Variants in RAPGEF4 observed in about 807,000 individuals in gnomAD.
RAPGEF4 encodes Rap guanine nucleotide exchange factor 4, also known as RAP guanine-nucleotide-exchange factor (GEF) 4.
A neutral mutation model predicts 147.9 loss-of-function variants in RAPGEF4; 66 were observed. That is an observed-to-expected ratio of 0.45 (90% CI 0.37 to 0.55). The LOEUF is 0.55. Ranked by LOEUF, RAPGEF4 falls within the 20% of genes least tolerant of loss-of-function variation. The pLI is 0.00. For synonymous variants in RAPGEF4, 419 were observed against 442.7 expected (o/e 0.95, Z 0.67); for missense variants, 1,071 against 1,257.3 (o/e 0.85, Z 2.24).
intron 1 of RAPGEF4, among the ~76,000 whole-genome samples, chr2:172,747,578 G>T (rs1321146093): frequency 6.6e-6 from 1 of 152,122 alleles, no homozygotes; most frequent in African/African-American, 2.4e-5. Flanking sequence ...CGATCCCTCT[G>T]CCTTGGCTTC....
At chr2:172,856,847 A>T (rs1216693150) in intron 4 of RAPGEF4, among the ~76,000 whole-genome samples, 1 of 152,084 alleles carries the variant, frequency 6.6e-6, no homozygotes, top group Non-Finnish European at 1.5e-5. Flanking sequence ...TCAACCAGGA[A>T]GACTACAGGC....
At chr2:172,841,518 A>G (rs1301968607) in intron 4 of RAPGEF4, among the ~76,000 whole-genome samples, 1 of 152,058 alleles carries the variant, frequency 6.6e-6, no homozygotes, top group Non-Finnish European at 1.5e-5. Flanking sequence ...ACAATTTTGG[A>G]TATAATTTTG....
At chr2:173,011,916 G>A (rs1695066655) in intron 17 of RAPGEF4, among the ~76,000 whole-genome samples, 1 of 149,900 alleles carries the variant, frequency 6.7e-6, no homozygotes, top group African/African-American at 2.4e-5. Context: ...TCTAAATTGA[G>A]GCTAAGTGTT....
At chr2:173,007,528 T>C (rs1694601993) in intron 17 of RAPGEF4, among the ~76,000 whole-genome samples, 1 of 152,206 alleles carries the variant, frequency 6.6e-6, no homozygotes, top group African/African-American at 2.4e-5. Flanking sequence ...GAATCAGTAA[T>C]AACATTGGTG....
chr2:172,931,797 G>A (rs1179108095), intron 6 of RAPGEF4, among the ~76,000 whole-genome samples: 3 of 152,184 alleles, frequency 2.0e-5, no homozygotes, highest in Admixed American at 1.3e-4. Context: ...TAAATCTTAC[G>A]TTTAACCAAT....
chr2:172,983,054 C>T (rs1376299170), intron 10 of RAPGEF4, among the ~76,000 whole-genome samples: 1 of 152,168 alleles, frequency 6.6e-6, no homozygotes, highest in Non-Finnish European at 1.5e-5. Context: ...TATTATTCTG[C>T]TAGGCTAAGA....
rs935371264 is a variant in RAPGEF4, at chr2:173,051,918, C to G, written c.*151C>G. 1 of 789,076 alleles carries G rather than the reference C, an allele frequency of 1.3e-6. No homozygotes were observed. Among genetic ancestry groups the G allele is most frequent in the Non-Finnish European group, 2.0e-6 (1 of 506,736 alleles). The allele number at this position is 789,076 out of a possible 1,614,324, so 48.9% of individuals were successfully genotyped here. A position where few individuals can be genotyped will look rare whatever the true frequency, so the allele number is the denominator to read the frequency against. ...ACACCTCAGGGCTGCATTCAGCTTA[C>G]CAGCTACCTAGCAAGAGAAGGAATT... is the stretch of plus-strand genomic sequence containing the variant. On this transcript the variant is annotated 3_prime_UTR_variant, in exon 31 of 31. Coordinates refer to ENST00000397081, the MANE Select transcript of RAPGEF4 (RefSeq NM_007023.4).
At position 172,810,302 on chromosome 2, in the gene RAPGEF4, AT is replaced by A. The variant is rs1687902226; in HGVS notation, c.298-3975del. Among the ~76,000 whole-genome samples the A allele has an allele frequency of 1.3e-5, 2 of 152,224 alleles. 1 individual carries two copies. Among genetic ancestry groups the A allele is most frequent in the Admixed American group, 1.3e-4 (2 of 15,288 alleles). ...ATGTTAGTAAGAGTGTCTGCAATTT[AT>A]TAAGCATTTGTTTTGAGTCAGGCAC... is the stretch of plus-strand genomic sequence containing the variant. On this transcript the variant is annotated intron_variant, in intron 3 of 30. Coordinates refer to ENST00000397081, the MANE Select transcript of RAPGEF4 (RefSeq NM_007023.4).
chr2:172,736,222 G>T (rs967364654), intron 1 of RAPGEF4, 174 bp downstream of exon 1: 35 of 394,932 alleles, frequency 8.9e-5, no homozygotes, highest in Non-Finnish European at 1.3e-4. Context: ...AAGGATCCCC[G>T]CCTCTCGTGG....
chr2:172,988,153 G>A (rs527387930), intron 12 of RAPGEF4, 43 bp from the exon 13 acceptor site: 1 of 1,563,512 alleles, frequency 6.4e-7, no homozygotes, highest in African/African-American at 1.4e-5. Flanking sequence ...ATATTGATGT[G>A]CTTCTATTCT....
intron 29 of RAPGEF4, among the ~76,000 whole-genome samples, chr2:173,047,498 A>T (rs1052030763): frequency 1.1e-4 from 17 of 152,330 alleles, no homozygotes; most frequent in South Asian, 2.1e-4. Context: ...AATGTGAAAA[A>T]TTTCAAATCA....
chr2:172,894,296 C>T (rs1384178010), intron 4 of RAPGEF4: 2 of 152,250 alleles, frequency 1.3e-5, no homozygotes, highest in African/African-American at 2.4e-5. Flanking sequence ...AGTTCATTAA[C>T]AGCTTCATCA....
In RAPGEF4 at chr2:172,983,377, A is replaced by G. The variant is rs141152484; in HGVS notation, c.1005-119A>G. 223 of 1,493,406 alleles carry G rather than the reference A, an allele frequency of 1.5e-4. 1 individual carries two copies. In the East Asian group the frequency reaches 4.9e-3, roughly 33 times the overall value. The allele number at this position is 1,493,406 out of a possible 1,614,324, so 92.5% of individuals were successfully genotyped here. A position where few individuals can be genotyped will look rare whatever the true frequency, so the allele number is the denominator to read the frequency against. On this transcript the variant is annotated intron_variant, in intron 10 of 30. Transcript: ENST00000397081. Reference sequence around the variant, plus strand: ...ACTGGTGCAACCTCTCCCTCCGCCAATATCTTCTTGTGCAGAAGAAATCCC... The same window carrying G: ...ACTGGTGCAACCTCTCCCTCCGCCAGTATCTTCTTGTGCAGAAGAAATCCC...
chr2:172,918,419 T>G (rs1684342321), intron 5 of RAPGEF4, among the ~76,000 whole-genome samples: 1 of 110,070 alleles, frequency 9.1e-6, no homozygotes, highest in Non-Finnish European at 1.7e-5. Context: ...ACAAAGTGAC[T>G]ATGGAAGGTG....
chr2:172,796,534 G>A (rs926394380), intron 2 of RAPGEF4, among the ~76,000 whole-genome samples: 3 of 152,096 alleles, frequency 2.0e-5, no homozygotes, highest in Non-Finnish European at 2.9e-5. Flanking sequence ...GCAGTGAACC[G>A]AGATTGCGCC....
At chr2:172,956,808 A>G (rs1395555230) in intron 6 of RAPGEF4, among the ~76,000 whole-genome samples, 1 of 152,212 alleles carries the variant, frequency 6.6e-6, no homozygotes, top group Non-Finnish European at 1.5e-5. Context: ...CAGACCAAGC[A>G]TGATGCAGGG....
chr2:172,808,585 A>G (rs752177322), intron 3 of RAPGEF4, among the ~76,000 whole-genome samples: 36 of 152,248 alleles, frequency 2.4e-4, no homozygotes, highest in Non-Finnish European at 4.6e-4. Context: ...TAAGTCAGAA[A>G]TAATAATTTC....
rs183751229 is a variant in RAPGEF4 at position 173,025,671 on chromosome 2, G to A, written c.2254-901G>A. On this transcript the variant is annotated intron_variant, in intron 23 of 30. Coordinates refer to ENST00000397081, the MANE Select transcript of RAPGEF4 (RefSeq NM_007023.4). ...TTGGCCAGGCTTGTCTTGAACTACT[G>A]ACCTCAGGTGATCCACCCGCCTTGG... 3.5e-3 allele frequency among the ~76,000 whole-genome samples: 533 copies of A among 152,332 alleles called. 3 individuals carry two copies. Among genetic ancestry groups the A allele is most frequent in the African/African-American group, 0.012 (508 of 41,572 alleles).
chr2:173,031,836 GA>G (rs953315549), intron 26 of RAPGEF4, among the ~76,000 whole-genome samples: 1 of 152,096 alleles, frequency 6.6e-6, no homozygotes, highest in Non-Finnish European at 1.5e-5. Context: ...TTTTTAAGGT[GA>G]AGTATAATTA....
Sources: allele counts gnomAD v4.1 joint callset (sites outside exome capture counted in the v4.1 genomes callset), GRCh38; gene constraint gnomAD v4.1.1; transcripts MANE v1.5; gene names NCBI Gene and HGNC (gene_info 2026-07-23, HGNC 2026-07-21).